Variants in PIKFYVE observed in about 807,000 individuals in gnomAD.
The protein encoded by PIKFYVE is 1-phosphatidylinositol 3-phosphate 5-kinase.
In PIKFYVE, 122 loss-of-function variants were observed where a neutral mutation model predicts 257.9. The ratio of observed to expected loss-of-function variants is 0.47; its 90% confidence interval spans 0.41 to 0.55. The LOEUF is 0.55. Among genes scored for constraint, PIKFYVE ranks in the 20% least tolerant of loss-of-function variants. The pLI is 0.00. For synonymous variants in PIKFYVE, 892 were observed against 868.9 expected (o/e 1.03, Z -0.47); for missense variants, 2,160 against 2,536.6 (o/e 0.85, Z 3.19).
chr2:208,291,649 A>G (rs774787723), intron 7 of PIKFYVE, among the ~76,000 whole-genome samples: 2 of 152,086 alleles, frequency 1.3e-5, no homozygotes, highest in South Asian at 2.1e-4. Context: ...CAATTTCTTT[A>G]AGAGAAATAG....
chr2:208,358,561 C>A lies in PIKFYVE; in HGVS notation c.*3256C>A, dbSNP rs907057790. 1 of 152,448 alleles carries A rather than the reference C, an allele frequency of 6.6e-6. No individual in the cohort carries two copies. Among genetic ancestry groups the A allele is most frequent in the Non-Finnish European group, 1.5e-5 (1 of 67,998 alleles). The allele number at this position is 152,448 out of a possible 1,614,324, so 9.4% of individuals were successfully genotyped here. A position where few individuals can be genotyped will look rare whatever the true frequency, so the allele number is the denominator to read the frequency against. ...GAAATGACATTGTAAATCATAGTAGCCTCTTTTAATTTAATATGAAAAATG... is the reference window on the plus strand; with the variant it reads ...GAAATGACATTGTAAATCATAGTAGACTCTTTTAATTTAATATGAAAAATG... On this transcript the variant is annotated 3_prime_UTR_variant, in exon 42 of 42. Transcript: ENST00000264380.
At chr2:208,292,371 T>TATCC (rs1692426117) in intron 7 of PIKFYVE, among the ~76,000 whole-genome samples, 1 of 152,156 alleles carries the variant, frequency 6.6e-6, no homozygotes, top group South Asian at 2.1e-4. Flanking sequence ...CTGCTGGATG[T>TATCC]ATCCATCTCT....
chr2:208,312,907 G>A (rs1010093373), intron 13 of PIKFYVE, among the ~76,000 whole-genome samples: 3 of 152,138 alleles, frequency 2.0e-5, no homozygotes, highest in South Asian at 2.1e-4. Context: ...TGGCTCCCAC[G>A]GTTTCAGATC....
intron 35 of PIKFYVE, among the ~76,000 whole-genome samples, chr2:208,349,504 TTATG>T (rs1422515674): frequency 1.3e-5 from 2 of 149,770 alleles, no homozygotes; most frequent in Admixed American, 6.7e-5. Flanking sequence ...TATATGTTAA[TTATG>T]TATGTTATAT....
chr2:208,296,999 G>A (rs1693071870), intron 7 of PIKFYVE, among the ~76,000 whole-genome samples: 1 of 152,130 alleles, frequency 6.6e-6, no homozygotes, highest in Admixed American at 6.5e-5. Context: ...AAAAGATGGG[G>A]AAAATTACAG....
Position 208,301,113 on chromosome 2 carries a change from G to T in PIKFYVE, c.1208+19G>T. 2 of 1,612,532 alleles carry T rather than the reference G, an allele frequency of 1.2e-6. No individual in the cohort carries two copies. Among genetic ancestry groups the T allele is most frequent in the African/African-American group, 2.7e-5 (2 of 74,998 alleles). On this transcript the variant is annotated intron_variant, in intron 9 of 41. Coordinates refer to ENST00000264380, the MANE Select transcript of PIKFYVE (RefSeq NM_015040.4). ...CCACAAGGTATTCTGATCTTAGAAG[G>T]TTTCAATATTATTTGTTTATTTTGA...
At chr2:208,316,595 T>C (rs1695550174) in intron 15 of PIKFYVE, among the ~76,000 whole-genome samples, 2 of 152,162 alleles carry the variant, frequency 1.3e-5, no homozygotes, top group Admixed American at 1.3e-4. Flanking sequence ...GGTATCTCAT[T>C]GTGGTTTTGA....
At chr2:208,338,159 A>T (rs1019082918) in intron 28 of PIKFYVE, among the ~76,000 whole-genome samples, 1 of 152,182 alleles carries the variant, frequency 6.6e-6, no homozygotes, top group Non-Finnish European at 1.5e-5. Flanking sequence ...TTAGCTAGAC[A>T]TTAAAGATAT....
chr2:208,312,499 A>G (rs1695040538), intron 13 of PIKFYVE, among the ~76,000 whole-genome samples: 1 of 152,220 alleles, frequency 6.6e-6, no homozygotes, highest in African/African-American at 2.4e-5. Flanking sequence ...GGTTTGCGAG[A>G]AGGAGGTCTC....
intron 20 of PIKFYVE, 86 bp downstream of exon 20, chr2:208,326,515 C>T: frequency 2.9e-6 from 4 of 1,381,068 alleles, no homozygotes; most frequent in Non-Finnish European, 4.1e-6. Context: ...ATCAGTTTGG[C>T]AGACTGCATG....
intron 3 of PIKFYVE, 56 bp from the exon 4 acceptor site, chr2:208,276,656 T>G (rs1690144414): frequency 2.5e-6 from 3 of 1,220,128 alleles, no homozygotes; most frequent in East Asian, 4.6e-5. Flanking sequence ...TATACCTTGT[T>G]GTATATAGAT....
At chr2:208,267,501 A>ATTTTT (rs1559375775) in intron 1 of PIKFYVE, among the ~76,000 whole-genome samples, 2 of 38,146 alleles carry the variant, frequency 5.2e-5, no homozygotes, top group African/African-American at 1.8e-4. Flanking sequence ...TTACATTGCC[A>ATTTTT]GTTTTTTTTT....
At chr2:208,273,821 A>G (rs1483305930) in intron 3 of PIKFYVE, 88 bp downstream of exon 3, 4 of 1,503,476 alleles carry the variant, frequency 2.7e-6, no homozygotes, top group Admixed American at 1.7e-5. Flanking sequence ...AGCAGGACTT[A>G]ACTTTCCTGC....
rs1189088450 is a variant in PIKFYVE at position 208,336,815 on chromosome 2, A to G, written c.4521-23A>G. 3 of 1,505,812 alleles carry G rather than the reference A, an allele frequency of 2.0e-6. No individual in the cohort carries two copies. The South Asian group carries it at 3.4e-5, about 17-fold the overall frequency. The allele number at this position is 1,505,812 out of a possible 1,614,324, so 93.3% of individuals were successfully genotyped here. ...GGCTAGAAACAAACCATATATATAT[A>G]TATTTTTTGCTTTTGGCCACAGGTT... On this transcript the variant is annotated intron_variant, in intron 27 of 41. Transcript: ENST00000264380.
At chr2:208,271,031 A>C (rs1689354498) in intron 1 of PIKFYVE, among the ~76,000 whole-genome samples, 1 of 149,414 alleles carries the variant, frequency 6.7e-6, no homozygotes, top group African/African-American at 2.5e-5. Context: ...GCAAGACTCC[A>C]TCTCCAAAAA....
At chr2:208,292,036 A>G (rs1224329872) in intron 7 of PIKFYVE, among the ~76,000 whole-genome samples, 3 of 151,854 alleles carry the variant, frequency 2.0e-5, no homozygotes, top group South Asian at 2.1e-4. Flanking sequence ...ATGTTTCTTT[A>G]TATTCTTCTT....
chr2:208,278,046 G>A (rs917248311), intron 5 of PIKFYVE, among the ~76,000 whole-genome samples: 5 of 152,148 alleles, frequency 3.3e-5, no homozygotes, highest in South Asian at 2.1e-4. Flanking sequence ...CTTCCTTGAC[G>A]TAATTACATG....
intron 31 of PIKFYVE, among the ~76,000 whole-genome samples, chr2:208,340,404 GAT>G (rs1392556094): frequency 6.6e-6 from 1 of 152,108 alleles, no homozygotes; most frequent in Non-Finnish European, 1.5e-5. Flanking sequence ...TTTTTTCAAA[GAT>G]ATGTGGCTAT....
chr2:208,304,293 TGAA>T lies in PIKFYVE; in HGVS notation c.1448_1450del (p.Glu483del). 6.2e-7 allele frequency: 1 copy of T among 1,614,200 alleles called. No individual in the cohort carries two copies. The highest frequency in any genetic ancestry group is 1.1e-5 in the South Asian group (1 of 91,090). On this transcript the variant is annotated inframe_deletion, in exon 11 of 42. Coordinates refer to ENST00000264380, the MANE Select transcript of PIKFYVE (RefSeq NM_015040.4). ...ATGACAGTGACACAGAACAGATAGC[TGAA>T]GAAGGTGACGATAATTTGGCTAGTG...
Sources: allele counts gnomAD v4.1 joint callset (sites outside exome capture counted in the v4.1 genomes callset), GRCh38; gene constraint gnomAD v4.1.1; transcripts MANE v1.5; gene names NCBI Gene and HGNC (gene_info 2026-07-23, HGNC 2026-07-21).